The following ITPRID1 variants were observed in gnomAD, a reference collection of about 807,000 sequenced individuals.
ITPRID1 encodes ITPR interacting domain containing 1, also known as protein ITPRID1.
In ITPRID1, 96 loss-of-function variants were observed where a neutral mutation model predicts 95.4. The observed-to-expected ratio is 1.01, with a 90% CI of 0.85 to 1.19. ITPRID1 has a LOEUF of 1.19. Among genes scored for constraint, ITPRID1 ranks in the 50% most tolerant of loss-of-function variants. The probability of loss-of-function intolerance (pLI) is 0.00; values close to 1 mark genes in which losing one functional copy is unlikely to be tolerated. For missense variants in ITPRID1, 1,339 were observed against 1,252.9 expected (o/e 1.07, Z -1.04); for synonymous variants, 510 against 453.6 (o/e 1.12, Z -1.58).
intron 10 of ITPRID1, among the ~76,000 whole-genome samples, chr7:31,620,184 C>T (rs1427975760): frequency 6.6e-6 from 1 of 152,122 alleles, no homozygotes; most frequent in Admixed American, 6.5e-5. Context: ...GGGCAGGGCA[C>T]AGACAAACAA....
chr7:31,646,367 G>A (rs1304092190), intron 12 of ITPRID1, among the ~76,000 whole-genome samples: 1 of 152,178 alleles, frequency 6.6e-6, no homozygotes, highest in African/African-American at 2.4e-5. Flanking sequence ...GATTGAAAGT[G>A]TGAGTGGGCC....
At chr7:31,573,904 C>T (rs1043012899) in intron 7 of ITPRID1, among the ~76,000 whole-genome samples, 1 of 150,808 alleles carries the variant, frequency 6.6e-6, no homozygotes, top group Non-Finnish European at 1.5e-5. Flanking sequence ...ATATAATTTC[C>T]AGCTAATTGA....
At chr7:31,633,295 C>T (rs1203021656) in intron 10 of ITPRID1, among the ~76,000 whole-genome samples, 2 of 152,022 alleles carry the variant, frequency 1.3e-5, no homozygotes, top group Non-Finnish European at 2.9e-5. Flanking sequence ...GAGCTATGAC[C>T]GACAAATGTA....
chr7:31,643,315 A>G lies in ITPRID1; in HGVS notation c.1945A>G (p.Ile649Val), dbSNP rs1386557966. 1.9e-6 allele frequency: 3 copies of G among 1,613,948 alleles called. No individual in the cohort carries two copies. The highest frequency in any genetic ancestry group is 2.2e-5 in the South Asian group (2 of 91,068). Residue 649 changes from isoleucine to valine, a missense_variant, in exon 12 of 15, where the codon ATC becomes GTC. Transcript: ENST00000615280. ...SSQCIPKHSE[I>V]TPYATDLAQT... is the part of the protein sequence containing the mutation. ...ACAGTGTATCCCCAAGCACAGTGAA[A>G]TCACACCTTATGCAACTGACCTTGC...
intron 10 of ITPRID1, among the ~76,000 whole-genome samples, chr7:31,588,197 G>T (rs1381755423): frequency 6.6e-6 from 1 of 152,164 alleles, no homozygotes; most frequent in Non-Finnish European, 1.5e-5. Flanking sequence ...GTACTGAAGA[G>T]TGACCAAAAG....
At chr7:31,587,860 G>T (rs1426731844) in intron 10 of ITPRID1, among the ~76,000 whole-genome samples, 1 of 151,588 alleles carries the variant, frequency 6.6e-6, no homozygotes, top group Admixed American at 6.6e-5. Context: ...TCTGATCTTT[G>T]ACAAACCTGA....
chr7:31,594,673 A>G (rs1163417524), intron 10 of ITPRID1, among the ~76,000 whole-genome samples: 1 of 152,122 alleles, frequency 6.6e-6, no homozygotes, highest in Non-Finnish European at 1.5e-5. Flanking sequence ...CCTGGCCAAC[A>G]TGGTGAAACC....
intron 4 of ITPRID1, 126 bp downstream of exon 4, chr7:31,554,649 G>A: frequency 2.5e-6 from 3 of 1,179,400 alleles, no homozygotes; most frequent in Non-Finnish European, 3.6e-6. Context: ...TGTACGTGAA[G>A]TATTATTCTA....
chr7:31,622,732 A>G (rs895250620), intron 10 of ITPRID1, among the ~76,000 whole-genome samples: 5 of 152,080 alleles, frequency 3.3e-5, no homozygotes, highest in African/African-American at 7.2e-5. Context: ...TCAAAAGCTA[A>G]CAGAAGGCAA....
intron 1 of ITPRID1, among the ~76,000 whole-genome samples, chr7:31,542,830 C>A (rs1783976065): frequency 1.3e-5 from 2 of 152,120 alleles, no homozygotes; most frequent in African/African-American, 4.8e-5. Flanking sequence ...GCTGACAACT[C>A]TTAAGACATT....
chr7:31,552,897 A>G, intron 2 of ITPRID1, 105 bp from the exon 3 acceptor site: 1 of 1,148,708 alleles, frequency 8.7e-7, no homozygotes, highest in African/African-American at 1.5e-5. Context: ...AAGCTGGATC[A>G]TTCATCTGAC....
chr7:31,587,955 G>A (rs1785691137), intron 10 of ITPRID1, among the ~76,000 whole-genome samples: 1 of 152,110 alleles, frequency 6.6e-6, no homozygotes, highest in African/African-American at 2.4e-5. Flanking sequence ...AGCTGAAACT[G>A]GATCCCTTCC....
At chr7:31,658,312 TCAAAAGCAAA>T, downstream of ITPRID1, 1 of 1,521,534 alleles carries the variant, frequency 6.6e-7, no homozygotes, top group Admixed American at 2.1e-5. Context: ...TTTTTTTTCT[TCAAAAGCAAA>T]TAACTCTGCT....
At chr7:31,606,143 CT>C (rs1786611730) in intron 10 of ITPRID1, among the ~76,000 whole-genome samples, 1 of 152,128 alleles carries the variant, frequency 6.6e-6, no homozygotes, top group South Asian at 2.1e-4. Flanking sequence ...ATGATTCTTA[CT>C]CTATTAATAG....
chr7:31,614,064 T>C (rs1290348017), intron 10 of ITPRID1, among the ~76,000 whole-genome samples: 1 of 152,068 alleles, frequency 6.6e-6, no homozygotes, highest in Non-Finnish European at 1.5e-5. Context: ...GGGTTGGGAG[T>C]TGAATGCAGG....
chr7:31,651,344 C>T, intron 13 of ITPRID1, 75 bp downstream of exon 13: 1 of 1,518,146 alleles, frequency 6.6e-7, no homozygotes, highest in Non-Finnish European at 8.9e-7. Context: ...CAGGGCAGAA[C>T]AGAGGAGCAC....
intron 1 of ITPRID1, among the ~76,000 whole-genome samples, chr7:31,528,595 T>G (rs1783495546): frequency 6.6e-6 from 1 of 152,124 alleles, no homozygotes; most frequent in African/African-American, 2.4e-5. Flanking sequence ...GGAGAAGTCT[T>G]AAGAGACGAG....
intron 1 of ITPRID1, among the ~76,000 whole-genome samples, chr7:31,531,005 T>C (rs1783580004): frequency 6.6e-6 from 1 of 152,232 alleles, no homozygotes; most frequent in South Asian, 2.1e-4. Context: ...ACTTTGTCTT[T>C]TGGGGCTGCC....
At chr7:31,543,961 T>C (rs1013271634) in intron 1 of ITPRID1, among the ~76,000 whole-genome samples, 1 of 152,110 alleles carries the variant, frequency 6.6e-6, no homozygotes, top group Admixed American at 6.6e-5. Flanking sequence ...GTTTTTTGCA[T>C]GTGATGTCCA....
Sources: allele counts gnomAD v4.1 joint callset (sites outside exome capture counted in the v4.1 genomes callset), GRCh38; gene constraint gnomAD v4.1.1; transcripts MANE v1.5; gene names NCBI Gene and HGNC (gene_info 2026-07-23, HGNC 2026-07-21).